The following PLD5 variants were observed in gnomAD, a reference collection of about 807,000 sequenced individuals.
The protein encoded by PLD5 is inactive phospholipase D5.
A neutral mutation model predicts 61.1 loss-of-function variants in PLD5; 36 were observed. That is an observed-to-expected ratio of 0.59 (90% confidence interval 0.45 to 0.78). The LOEUF is 0.78. Among genes scored for constraint, PLD5 ranks in the 30% least tolerant of loss-of-function variants. The pLI, the probability that PLD5 is intolerant of heterozygous loss-of-function variation, is 0.00. For synonymous variants in PLD5, 243 were observed against 242.8 expected (o/e 1.00, Z -0.01); for missense variants, 515 against 644.4 (o/e 0.80, Z 2.17).
chr1:242,509,378 T>TAATA (rs1440264816), intron 1 of PLD5, among the ~76,000 whole-genome samples: 1 of 152,126 alleles, frequency 6.6e-6, no homozygotes, highest in African/African-American at 2.4e-5. Context: ...GACTCCATTT[T>TAATA]AATAAATAAA....
chr1:242,274,741 A>G (rs1275779853), intron 3 of PLD5, among the ~76,000 whole-genome samples: 1 of 152,086 alleles, frequency 6.6e-6, no homozygotes, highest in Admixed American at 6.5e-5. Flanking sequence ...GGGACAGAGC[A>G]AGACTCAGTC....
At chr1:242,187,921 C>G (rs994231591) in intron 5 of PLD5, among the ~76,000 whole-genome samples, 1 of 152,096 alleles carries the variant, frequency 6.6e-6, no homozygotes, top group Non-Finnish European at 1.5e-5. Context: ...AGGAGTGAAA[C>G]TGAGGAGAGC....
intron 4 of PLD5, among the ~76,000 whole-genome samples, chr1:242,253,786 AT>A (rs1460790137): frequency 6.6e-6 from 1 of 152,216 alleles, no homozygotes; most frequent in East Asian, 1.9e-4. Context: ...TGTATTAGGG[AT>A]AAAAATAAAA....
intron 9 of PLD5, among the ~76,000 whole-genome samples, chr1:242,091,866 C>T (rs1296264301): frequency 2.1e-5 from 3 of 141,928 alleles, no homozygotes; most frequent in East Asian, 2.1e-4. Flanking sequence ...CTTGCTCTGT[C>T]GCCCAGGCTG....
chr1:242,507,931 T>C (rs1668778112), intron 1 of PLD5, among the ~76,000 whole-genome samples: 2 of 152,136 alleles, frequency 1.3e-5, no homozygotes, highest in Non-Finnish European at 2.9e-5. Context: ...TATTATTCTC[T>C]CTCCACGGAT....
intron 5 of PLD5, among the ~76,000 whole-genome samples, chr1:242,199,513 C>T (rs915428896): frequency 2.6e-4 from 40 of 152,148 alleles, no homozygotes; most frequent in Non-Finnish European, 4.6e-4. Context: ...CCTCGGCCTC[C>T]CAAAGGTCTG....
chr1:242,135,804 C>T (rs1408818340), intron 5 of PLD5, among the ~76,000 whole-genome samples: 1 of 152,144 alleles, frequency 6.6e-6, no homozygotes, highest in African/African-American at 2.4e-5. Flanking sequence ...TTGCCCAGGG[C>T]TTTGGCCCAA....
intron 1 of PLD5, among the ~76,000 whole-genome samples, chr1:242,477,607 G>C (rs1667639185): frequency 6.6e-6 from 1 of 152,188 alleles, no homozygotes; most frequent in Non-Finnish European, 1.5e-5. Context: ...AATGCAAGGG[G>C]CTTGGCAGCG....
chr1:242,323,202 G>GA (rs910894421), intron 2 of PLD5, among the ~76,000 whole-genome samples: 26 of 151,526 alleles, frequency 1.7e-4, no homozygotes, highest in African/African-American at 4.8e-4. Context: ...GAGACAAGGG[G>GA]AAAAAAAAGA....
At chr1:242,175,444 G>C (rs1667075333) in intron 5 of PLD5, among the ~76,000 whole-genome samples, 1 of 152,100 alleles carries the variant, frequency 6.6e-6, no homozygotes, top group South Asian at 2.1e-4. Context: ...TCAATAGAAT[G>C]TATCTCAAAA....
chr1:242,173,452 T>C (rs1334458836), intron 5 of PLD5, among the ~76,000 whole-genome samples: 7 of 152,100 alleles, frequency 4.6e-5, no homozygotes, highest in Non-Finnish European at 8.8e-5. Flanking sequence ...GAAGAATCAA[T>C]ATCGTGAAAA....
chr1:242,250,025 T>C (rs906761485), intron 4 of PLD5, among the ~76,000 whole-genome samples: 1 of 152,232 alleles, frequency 6.6e-6, no homozygotes, highest in South Asian at 2.1e-4. Flanking sequence ...CATGGTTCCC[T>C]TCATATGAAG....
intron 1 of PLD5, among the ~76,000 whole-genome samples, chr1:242,505,125 C>T (rs1016361619): frequency 6.6e-6 from 1 of 152,000 alleles, no homozygotes; most frequent in African/African-American, 2.4e-5. Flanking sequence ...CCACTCCACT[C>T]CAGCCTCAGT....
At chr1:242,226,971 C>T (rs1574560873) in intron 4 of PLD5, among the ~76,000 whole-genome samples, 1 of 152,034 alleles carries the variant, frequency 6.6e-6, no homozygotes, top group East Asian at 1.9e-4. Flanking sequence ...AGTATAATGC[C>T]ATGATGAATT....
chr1:242,229,075 A>G (rs1272519507), intron 4 of PLD5, among the ~76,000 whole-genome samples: 1 of 152,200 alleles, frequency 6.6e-6, no homozygotes, highest in Admixed American at 6.5e-5. Flanking sequence ...TGGCCTAAAA[A>G]CTCAAGCAAT....
In PLD5 at chr1:242,249,055, G is replaced by A. The variant is rs1364171805; in HGVS notation, c.607+16282C>T. The stretch of plus-strand genomic sequence containing the variant: ...CCCAGCTACTCGGGAGGCAGAGGTC[G>A]CAGTGGGCCAAGATGGCACCACTGA... On this transcript the variant is annotated intron_variant, in intron 4 of 9. Coordinates refer to ENST00000536534, the MANE Select transcript of PLD5 (RefSeq NM_001372062.1). Among the ~76,000 whole-genome samples the A allele has an allele frequency of 8.5e-5, 13 of 152,160 alleles. No individual in the cohort carries two copies. In the East Asian group the frequency reaches 9.7e-4, roughly 11 times the overall value.
At chr1:242,092,825 C>T (rs1379691752) in intron 9 of PLD5, among the ~76,000 whole-genome samples, 4 of 152,044 alleles carry the variant, frequency 2.6e-5, no homozygotes, top group South Asian at 2.1e-4. Context: ...TCGAACATAC[C>T]GAGTCCCTTT....
At chr1:242,155,959 T>C (rs1007182939) in intron 5 of PLD5, among the ~76,000 whole-genome samples, 1 of 152,112 alleles carries the variant, frequency 6.6e-6, no homozygotes, top group Non-Finnish European at 1.5e-5. Flanking sequence ...ATGTTAAAGT[T>C]TCCCACTATT....
chr1:242,242,012 G>GACACACACACAAACACAC (rs1672082536), intron 4 of PLD5, among the ~76,000 whole-genome samples: 1 of 106,058 alleles, frequency 9.4e-6, no homozygotes, highest in Non-Finnish European at 1.9e-5. Context: ...TATATATATA[G>GACACACACACAAACACAC]ACACACACAC....
Sources: allele counts gnomAD v4.1 joint callset (sites outside exome capture counted in the v4.1 genomes callset), GRCh38; gene constraint gnomAD v4.1.1; transcripts MANE v1.5; gene names NCBI Gene and HGNC (gene_info 2026-07-23, HGNC 2026-07-21).